Variants in EYS observed in about 807,000 individuals in gnomAD.
EYS encodes EGF-like photoreceptor maintenance factor, also known as protein eyes shut homolog.
EYS carries 250 observed loss-of-function variants against 282.1 expected under a neutral mutation model. The observed-to-expected ratio is 0.89, with a 90% CI of 0.80 to 0.98. The LOEUF is 0.98. EYS is among the 50% of genes least tolerant of loss of function. EYS has a pLI of 0.00. For missense variants in EYS, 4,016 were observed against 3,709.0 expected (o/e 1.08, Z -2.15); for synonymous variants, 1,355 against 1,282.9 (o/e 1.06, Z -1.20).
chr6:64,305,821 T>G (rs1769422197), intron 30 of EYS, among the ~76,000 whole-genome samples: 1 of 152,208 alleles, frequency 6.6e-6, no homozygotes, highest in Non-Finnish European at 1.5e-5. Flanking sequence ...AATTTGGCAG[T>G]TATTTCTTGG....
At chr6:64,142,718 G>A (rs1024007782) in intron 31 of EYS, among the ~76,000 whole-genome samples, 3 of 152,146 alleles carry the variant, frequency 2.0e-5, no homozygotes, top group African/African-American at 7.2e-5. Flanking sequence ...TTGATAGGAA[G>A]TGACAGAACT....
At chr6:64,593,755 C>T (rs1212825863) in intron 24 of EYS, among the ~76,000 whole-genome samples, 2 of 151,998 alleles carry the variant, frequency 1.3e-5, no homozygotes, top group East Asian at 1.9e-4. Context: ...TTGTGATTTG[C>T]AAATTATTTT....
At chr6:64,335,911 T>C (rs1424541239) in intron 29 of EYS, among the ~76,000 whole-genome samples, 1 of 152,108 alleles carries the variant, frequency 6.6e-6, no homozygotes, top group African/African-American at 2.4e-5. Context: ...ACAGTATTTT[T>C]CAGACAAACA....
At chr6:64,114,515 C>T (rs1773311963) in intron 31 of EYS, among the ~76,000 whole-genome samples, 1 of 152,128 alleles carries the variant, frequency 6.6e-6, no homozygotes, top group Admixed American at 6.5e-5. Context: ...AGGGCAAAAA[C>T]ACTAAATAAT....
At chr6:64,800,448 A>G (rs1774501736) in intron 22 of EYS, among the ~76,000 whole-genome samples, 1 of 152,022 alleles carries the variant, frequency 6.6e-6, no homozygotes, top group Non-Finnish European at 1.5e-5. Flanking sequence ...CAAACCAAAA[A>G]TGTTATAAGA....
intron 31 of EYS, among the ~76,000 whole-genome samples, chr6:64,118,936 A>G (rs1226218036): frequency 6.6e-6 from 1 of 152,166 alleles, no homozygotes; most frequent in Non-Finnish European, 1.5e-5. Context: ...GCCAACATGT[A>G]TCTGAAAAAA....
At chr6:65,577,387 G>T (rs978027035) in intron 2 of EYS, among the ~76,000 whole-genome samples, 1 of 151,768 alleles carries the variant, frequency 6.6e-6, no homozygotes, top group East Asian at 1.9e-4. Context: ...CTATGCAAAA[G>T]GATGAAGTTA....
rs528200085 is a variant in EYS at position 65,201,231 on chromosome 6, A to G, written c.2023+94632T>C. Among the ~76,000 whole-genome samples, 973 of 133,510 alleles carry G rather than the reference A, an allele frequency of 7.3e-3. 6 individuals carry two copies. Among genetic ancestry groups the G allele is most frequent in the African/African-American group, 0.026 (907 of 34,842 alleles). The allele number at this position is 133,510 out of a possible 152,430, so 87.6% of individuals were successfully genotyped here. On this transcript the variant is annotated intron_variant, in intron 12 of 42. Transcript: ENST00000503581. The stretch of plus-strand genomic sequence containing the variant: ...GAGGGGAAACACTGCTGGCTGCAGA[A>G]AAAAATATCTGACATAACATTTAAA...
chr6:63,906,494 C>CA (rs750435730), intron 35 of EYS, among the ~76,000 whole-genome samples: 8 of 152,280 alleles, frequency 5.3e-5, no homozygotes, highest in Admixed American at 1.3e-4. Flanking sequence ...CATGTTTATT[C>CA]AAACCAAAGC....
intron 22 of EYS, among the ~76,000 whole-genome samples, chr6:64,704,148 G>T (rs1158868363): frequency 6.6e-6 from 1 of 151,552 alleles, no homozygotes; most frequent in Non-Finnish European, 1.5e-5. Flanking sequence ...TTCTAAACAA[G>T]AATTTGGACA....
At chr6:64,434,626 C>T (rs1205857770) in intron 28 of EYS, among the ~76,000 whole-genome samples, 1 of 151,842 alleles carries the variant, frequency 6.6e-6, no homozygotes, top group Non-Finnish European at 1.5e-5. Context: ...TTCAAACTTA[C>T]AGATTTTGGA....
chr6:64,199,037 T>A (rs1408262236), intron 31 of EYS, among the ~76,000 whole-genome samples: 1 of 152,168 alleles, frequency 6.6e-6, no homozygotes, highest in Non-Finnish European at 1.5e-5. Flanking sequence ...CATGAGATGG[T>A]TACTTCATTA....
At chr6:65,292,372 T>C (rs747728519) in intron 12 of EYS, among the ~76,000 whole-genome samples, 4 of 151,756 alleles carry the variant, frequency 2.6e-5, no homozygotes, top group Non-Finnish European at 5.9e-5. Flanking sequence ...GTTAATTAAA[T>C]GTCTATTCAA....
chr6:65,282,573 G>T (rs943433319), intron 12 of EYS, among the ~76,000 whole-genome samples: 1 of 151,870 alleles, frequency 6.6e-6, no homozygotes, highest in Non-Finnish European at 1.5e-5. Context: ...CATGATTATA[G>T]AACAGAAAAC....
At chr6:64,059,463 T>G (rs1771090566) in intron 33 of EYS, among the ~76,000 whole-genome samples, 1 of 152,200 alleles carries the variant, frequency 6.6e-6, no homozygotes, top group Non-Finnish European at 1.5e-5. Context: ...TAGAGTCCAC[T>G]GGCATATTAT....
At chr6:65,051,059 T>A (rs988439259) in intron 13 of EYS, among the ~76,000 whole-genome samples, 1 of 151,622 alleles carries the variant, frequency 6.6e-6, no homozygotes, top group African/African-American at 2.4e-5. Flanking sequence ...TGCTCAAACA[T>A]TATTTTCATT....
intron 2 of EYS, among the ~76,000 whole-genome samples, chr6:65,529,515 A>G (rs79530596): frequency 6.6e-6 from 1 of 152,176 alleles, no homozygotes; most frequent in Admixed American, 6.5e-5. Context: ...GTTGATTAAT[A>G]AATTGCCTGT....
rs201223013 is a variant in EYS at position 63,865,164 on chromosome 6, C to T, written c.7056-806G>A. 3.6e-3 allele frequency among the ~76,000 whole-genome samples: 545 copies of T among 152,304 alleles called. 2 individuals are homozygous for T. The highest frequency in any genetic ancestry group is 0.013 in the African/African-American group (527 of 41,556). On this transcript the variant is annotated intron_variant, in intron 35 of 42. Coordinates refer to ENST00000503581, the MANE Select transcript of EYS (RefSeq NM_001142800.2). ...ATACATGACACGCTAGGCCAACTGGCCAACCTCTGCTAGAACTCTCCAGAG... is the reference window on the plus strand; with the variant it reads ...ATACATGACACGCTAGGCCAACTGGTCAACCTCTGCTAGAACTCTCCAGAG...
chr6:65,387,670 G>T (rs1582224762), intron 7 of EYS, among the ~76,000 whole-genome samples: 1 of 151,890 alleles, frequency 6.6e-6, no homozygotes, highest in African/African-American at 2.4e-5. Flanking sequence ...TACTATTCTA[G>T]TAAATGGAAA....
Sources: gnomAD v4.1 joint callset for allele counts (sites outside exome capture counted in the v4.1 genomes callset) on GRCh38, gnomAD v4.1.1 for gene constraint, MANE v1.5 for transcripts, NCBI Gene and HGNC (gene_info 2026-07-23, HGNC 2026-07-21) for gene names.